Variants in PTPRR observed in about 807,000 individuals in gnomAD.
PTPRR encodes the protein receptor-type tyrosine-protein phosphatase R.
In PTPRR, 38 loss-of-function variants were observed where a neutral mutation model predicts 77.2. The ratio of observed to expected loss-of-function variants is 0.49; its 90% CI spans 0.38 to 0.65. The LOEUF (loss-of-function observed/expected upper bound fraction) is 0.65, where lower values mean the gene tolerates loss of function less well. Ranked by LOEUF, PTPRR falls within the 30% of genes least tolerant of loss-of-function variation. The pLI, the probability that PTPRR is intolerant of heterozygous loss-of-function variation, is 0.00. For synonymous variants in PTPRR, 299 were observed against 283.1 expected (o/e 1.06, Z -0.57); for missense variants, 744 against 799.2 (o/e 0.93, Z 0.83).
chr12:70,754,512 C>G, intron 4 of PTPRR: 2 of 1,577,604 alleles, frequency 1.3e-6, no homozygotes, highest in Non-Finnish European at 1.7e-6. Context: ...TATGCAGGAG[C>G]AAGCGTGCCT....
chr12:70,899,087 T>C (rs1294327801), intron 1 of PTPRR, among the ~76,000 whole-genome samples: 2 of 151,526 alleles, frequency 1.3e-5, no homozygotes, highest in Non-Finnish European at 3.0e-5. Context: ...CTTAAACCTT[T>C]TCTGAATAAA....
chr12:70,776,142 G>T (rs1891083001), intron 2 of PTPRR, among the ~76,000 whole-genome samples: 1 of 151,854 alleles, frequency 6.6e-6, no homozygotes, highest in Non-Finnish European at 1.5e-5. Flanking sequence ...AATCAAATTT[G>T]CTTCTCTTTC....
intron 5 of PTPRR, among the ~76,000 whole-genome samples, chr12:70,753,843 T>A (rs1026260179): frequency 6.6e-6 from 1 of 152,204 alleles, no homozygotes; most frequent in South Asian, 2.1e-4. Context: ...AAAGATGATA[T>A]AAAAGGAGAA....
intron 2 of PTPRR, among the ~76,000 whole-genome samples, chr12:70,827,327 T>C (rs1320832415): frequency 6.6e-6 from 1 of 152,126 alleles, no homozygotes; most frequent in East Asian, 1.9e-4. Flanking sequence ...TGGACTGATA[T>C]AACAAACTGC....
chr12:70,887,069 G>A (rs4332610), intron 2 of PTPRR, among the ~76,000 whole-genome samples: 96,159 of 152,072 alleles, frequency 0.63, 31,509 homozygotes, highest in African/African-American at 0.8. Flanking sequence ...CAGTGATGGC[G>A]TATGTTCCCA....
chr12:70,812,738 G>A (rs985026369), intron 2 of PTPRR, among the ~76,000 whole-genome samples: 12 of 152,146 alleles, frequency 7.9e-5, no homozygotes, highest in African/African-American at 2.7e-4. Context: ...GGTAAGAAAA[G>A]CACACTCTTC....
At chr12:70,681,835 A>C (rs1461518448) in intron 10 of PTPRR, among the ~76,000 whole-genome samples, 1 of 152,074 alleles carries the variant, frequency 6.6e-6, no homozygotes, top group Non-Finnish European at 1.5e-5. Flanking sequence ...GTTTCTGTAA[A>C]GTATCATAGG....
At chr12:70,646,866 G>A (rs1331996964) in intron 13 of PTPRR, among the ~76,000 whole-genome samples, 2 of 151,610 alleles carry the variant, frequency 1.3e-5, no homozygotes, top group Non-Finnish European at 2.9e-5. Flanking sequence ...ACCAGGTTTT[G>A]GAAACAAAAA....
intron 10 of PTPRR, chr12:70,673,111 G>T (rs1740467759): frequency 2.2e-6 from 2 of 902,300 alleles, no homozygotes; most frequent in Non-Finnish European, 2.9e-6. Flanking sequence ...GACATCCTTG[G>T]TCTTGGAGAA....
rs575400969 is a variant in PTPRR, at chr12:70,754,876, C to T, written c.628-575G>A. The stretch of plus-strand genomic sequence containing the variant: ...TGACTAAAATATCATCTCAAGAATA[C>T]ATATTGTTAGAATATCACATATTTT... On this transcript the variant is annotated intron_variant, in intron 4 of 13. Coordinates refer to ENST00000283228, the MANE Select transcript of PTPRR (RefSeq NM_002849.4). 1.8e-5 allele frequency: 12 copies of T among 670,296 alleles called. No homozygotes were observed. The South Asian group carries it at 2.3e-4, about 13-fold the overall frequency. 41.5% of individuals were successfully genotyped at this position (670,296 alleles called of 1,614,324 possible). A position where few individuals can be genotyped will look rare whatever the true frequency, so the allele number is the denominator to read the frequency against.
chr12:70,783,869 G>T lies in PTPRR; in HGVS notation c.358-19091C>A, dbSNP rs776974250. On this transcript the variant is annotated intron_variant, in intron 2 of 13. Coordinates refer to ENST00000283228, the MANE Select transcript of PTPRR (RefSeq NM_002849.4). ...TAAGGCTGTGTGGGGGGGACGGGGG[G>T]GGGGGGCGGGGGGCGGGGGTTGGCA... Among the ~76,000 whole-genome samples the T allele has an allele frequency of 1.1e-4, 13 of 115,410 alleles. 1 individual carries two copies. The highest frequency in any genetic ancestry group is 1.9e-4 in the Non-Finnish European group (11 of 57,546). The allele number at this position is 115,410 out of a possible 152,430, so 75.7% of individuals were successfully genotyped here.
At chr12:70,876,607 A>T (rs529145963) in intron 2 of PTPRR, among the ~76,000 whole-genome samples, 141 of 152,348 alleles carry the variant, frequency 9.3e-4, no homozygotes, top group African/African-American at 3.3e-3. Flanking sequence ...AATATAAATT[A>T]AAAAGATTTA....
chr12:70,672,587 A>G (rs1887275197), intron 10 of PTPRR: 1 of 1,442,740 alleles, frequency 6.9e-7, no homozygotes, highest in African/African-American at 1.4e-5. Flanking sequence ...TTGGTGACCA[A>G]GGACAGTGTA....
chr12:70,901,738 AG>A (rs1282330806), intron 1 of PTPRR, among the ~76,000 whole-genome samples: 2 of 151,734 alleles, frequency 1.3e-5, no homozygotes, highest in African/African-American at 2.4e-5. Flanking sequence ...TGCAATAAAA[AG>A]AAAGATAAAT....
intron 2 of PTPRR, among the ~76,000 whole-genome samples, chr12:70,886,519 A>G (rs1340235049): frequency 1.3e-5 from 2 of 152,210 alleles, no homozygotes; most frequent in Non-Finnish European, 2.9e-5. Context: ...GGATCCTTTA[A>G]GTCAACTCAA....
intron 6 of PTPRR, among the ~76,000 whole-genome samples, chr12:70,718,228 C>G (rs1049314065): frequency 6.6e-6 from 1 of 151,144 alleles, no homozygotes; most frequent in South Asian, 2.1e-4. Flanking sequence ...GGAAGCTATA[C>G]TTCTAAGAGA....
intron 6 of PTPRR, among the ~76,000 whole-genome samples, chr12:70,720,431 T>A (rs1565664899): frequency 6.6e-6 from 1 of 152,152 alleles, no homozygotes; most frequent in African/African-American, 2.4e-5. Context: ...CCACAAATGT[T>A]AGGTATAGGC....
At chr12:70,796,708 A>T (rs962773867) in intron 2 of PTPRR, among the ~76,000 whole-genome samples, 2 of 23,694 alleles carry the variant, frequency 8.4e-5, no homozygotes, top group Non-Finnish European at 7.1e-4. Context: ...ATGTATATTA[A>T]AAAAAAATCC....
intron 2 of PTPRR, among the ~76,000 whole-genome samples, chr12:70,769,589 G>GT (rs1890918348): frequency 6.6e-6 from 1 of 152,090 alleles, no homozygotes; most frequent in Non-Finnish European, 1.5e-5. Flanking sequence ...ACTGCCCAAG[G>GT]TAATTTATAG....
Sources: gnomAD v4.1 joint callset for allele counts (sites outside exome capture counted in the v4.1 genomes callset) on GRCh38, gnomAD v4.1.1 for gene constraint, MANE v1.5 for transcripts, NCBI Gene and HGNC (gene_info 2026-07-23, HGNC 2026-07-21) for gene names.